SPATA17: variants seen among roughly 807,000 people sequenced by gnomAD.
The protein encoded by SPATA17 is spermatogenesis associated 17, also known as spermatogenesis-associated protein 17.
SPATA17 carries 53 observed loss-of-function variants against 62.2 expected under a neutral mutation model. The ratio of observed to expected loss-of-function variants is 0.85; its 90% CI spans 0.68 to 1.07. The LOEUF (loss-of-function observed/expected upper bound fraction) is 1.07, where lower values mean the gene tolerates loss of function less well. SPATA17 is among the 50% of genes least tolerant of loss of function. The pLI is 0.00. For missense variants in SPATA17, 466 were observed against 425.5 expected (o/e 1.10, Z -0.84); for synonymous variants, 146 against 146.8 (o/e 0.99, Z 0.04).
At chr1:217,808,344 A>T (rs887881023) in intron 9 of SPATA17, among the ~76,000 whole-genome samples, 1 of 102,772 alleles carries the variant, frequency 9.7e-6, no homozygotes, top group East Asian at 2.5e-4. Flanking sequence ...ACAATTAAAA[A>T]ATACACACAC....
chr1:217,819,816 G>C (rs748351804), intron 9 of SPATA17, among the ~76,000 whole-genome samples: 2 of 151,814 alleles, frequency 1.3e-5, no homozygotes, highest in Non-Finnish European at 2.9e-5. Flanking sequence ...GGAGAGATTT[G>C]GATTTAGGCA....
In SPATA17 at chr1:217,748,568, C is replaced by G. The variant is rs1381390460; in HGVS notation, c.519+6470C>G. On this transcript the variant is annotated intron_variant, in intron 6 of 10. Transcript: ENST00000366933. ...AACCAGCCTGGCCAACATGGTGAAA[C>G]CCCGTCTCTATTGAAAGTATAAAAA... Among the ~76,000 whole-genome samples, 4 of 151,670 alleles carry G rather than the reference C, an allele frequency of 2.6e-5. No homozygotes were observed. The East Asian group carries it at 7.8e-4, about 30-fold the overall frequency.
At chr1:217,786,329 C>T (rs998115261) in intron 8 of SPATA17, among the ~76,000 whole-genome samples, 4 of 151,978 alleles carry the variant, frequency 2.6e-5, no homozygotes, top group Admixed American at 2.0e-4. Context: ...TCTAGGAAAG[C>T]GTTCTTGACA....
At chr1:217,669,592 G>T (rs934730149) in intron 4 of SPATA17, among the ~76,000 whole-genome samples, 1 of 152,006 alleles carries the variant, frequency 6.6e-6, no homozygotes, top group African/African-American at 2.4e-5. Flanking sequence ...GCTTGAACTC[G>T]GTTTCTGCAC....
chr1:217,792,145 A>G (rs1674007233), intron 8 of SPATA17, among the ~76,000 whole-genome samples: 1 of 152,202 alleles, frequency 6.6e-6, no homozygotes, highest in Admixed American at 6.5e-5. Flanking sequence ...CATGTGGCCC[A>G]CGGCGCATGG....
intron 9 of SPATA17, among the ~76,000 whole-genome samples, chr1:217,805,633 A>G (rs1674414434): frequency 6.6e-6 from 1 of 152,212 alleles, no homozygotes; most frequent in South Asian, 2.1e-4. Flanking sequence ...GCAGAAGATC[A>G]TGTTGTACAC....
chr1:217,718,660 G>C (rs778796806), intron 5 of SPATA17, among the ~76,000 whole-genome samples: 1 of 151,990 alleles, frequency 6.6e-6, no homozygotes, highest in Non-Finnish European at 1.5e-5. Flanking sequence ...AGGGAGTTAG[G>C]AAAACAAGAC....
At chr1:217,710,484 A>G (rs1671833928) in intron 5 of SPATA17, among the ~76,000 whole-genome samples, 2 of 152,144 alleles carry the variant, frequency 1.3e-5, no homozygotes, top group South Asian at 4.1e-4. Flanking sequence ...GATGGTTACT[A>G]TCTCATAACA....
intron 9 of SPATA17, among the ~76,000 whole-genome samples, chr1:217,807,864 A>T (rs1337684587): frequency 6.6e-6 from 1 of 152,208 alleles, no homozygotes; most frequent in African/African-American, 2.4e-5. Flanking sequence ...TCTTGTAGGG[A>T]GAAAATACAA....
chr1:217,806,726 A>AT (rs1349855445), intron 9 of SPATA17, among the ~76,000 whole-genome samples: 1 of 151,980 alleles, frequency 6.6e-6, no homozygotes. Context: ...CATGTTATGC[A>AT]TTTTTTTAGC....
intron 9 of SPATA17, among the ~76,000 whole-genome samples, chr1:217,831,848 A>G (rs781602636): frequency 3.3e-5 from 5 of 152,262 alleles, no homozygotes; most frequent in Non-Finnish European, 7.4e-5. Flanking sequence ...CTTCACTTTT[A>G]TGTCATATGT....
At chr1:217,813,528 A>G (rs1674644363) in intron 9 of SPATA17, among the ~76,000 whole-genome samples, 1 of 152,166 alleles carries the variant, frequency 6.6e-6, no homozygotes, top group Non-Finnish European at 1.5e-5. Context: ...ACAGCCCCTT[A>G]CAGTTGTTTG....
intron 6 of SPATA17, among the ~76,000 whole-genome samples, chr1:217,758,326 G>A (rs560228940): frequency 2.6e-5 from 4 of 152,096 alleles, no homozygotes; most frequent in Non-Finnish European, 5.9e-5. Flanking sequence ...TGACACTATC[G>A]CTTAGGAAAA....
In SPATA17 at chr1:217,683,288, C is replaced by A. The variant is rs146794589; in HGVS notation, c.322C>A (p.Arg108=). The stretch of plus-strand genomic sequence containing the variant: ...GAGACGATGGCGAGGCTATAGGGTT[C>A]GGAAGTACCTCTTTAATTATTATTA... ...IQRRWRGYRV[R]KYLFNYYYLK... is the part of the protein sequence containing the mutation. Residue 108 remains arginine, a synonymous_variant, in exon 5 of 11, where the codon CGG becomes AGG. Coordinates refer to ENST00000366933, the MANE Select transcript of SPATA17 (RefSeq NM_138796.4). 1.4e-4 allele frequency: 227 copies of A among 1,609,774 alleles called. 1 individual carries two copies. The East Asian group carries it at 5.0e-3, about 36-fold the overall frequency.
chr1:217,709,283 G>A (rs780236651), intron 5 of SPATA17, among the ~76,000 whole-genome samples: 12 of 152,176 alleles, frequency 7.9e-5, no homozygotes, highest in Non-Finnish European at 1.2e-4. Flanking sequence ...TCAGGAATCT[G>A]GGAGGGGCTT....
At chr1:217,777,057 G>T (rs981697242) in intron 7 of SPATA17, among the ~76,000 whole-genome samples, 2 of 152,102 alleles carry the variant, frequency 1.3e-5, no homozygotes, top group Non-Finnish European at 2.9e-5. Context: ...GGGGCCCTTG[G>T]GAGTCATCCT....
chr1:217,661,757 C>G (rs1479770974), intron 3 of SPATA17, among the ~76,000 whole-genome samples: 1 of 152,096 alleles, frequency 6.6e-6, no homozygotes, highest in Admixed American at 6.6e-5. Flanking sequence ...CTCTGATTCT[C>G]CTTTTTATTG....
At chr1:217,818,633 A>C (rs1296513984) in intron 9 of SPATA17, among the ~76,000 whole-genome samples, 1 of 152,036 alleles carries the variant, frequency 6.6e-6, no homozygotes, top group African/African-American at 2.4e-5. Flanking sequence ...TATATGTGTT[A>C]GTTTGATGGC....
chr1:217,664,608 C>A (rs1670651041), intron 3 of SPATA17, among the ~76,000 whole-genome samples: 1 of 151,884 alleles, frequency 6.6e-6, no homozygotes, highest in South Asian at 2.1e-4. Flanking sequence ...AATCTTTATA[C>A]CCTATAGCGG....
Sources: gnomAD v4.1 joint callset for allele counts (sites outside exome capture counted in the v4.1 genomes callset) on GRCh38, gnomAD v4.1.1 for gene constraint, MANE v1.5 for transcripts, NCBI Gene and HGNC (gene_info 2026-07-23, HGNC 2026-07-21) for gene names.